The following PPP2R2B variants were observed in gnomAD, a reference collection of about 807,000 sequenced individuals.
PPP2R2B encodes protein phosphatase 2 regulatory subunit Bbeta.
In PPP2R2B, 5 loss-of-function variants were observed where a neutral mutation model predicts 46.0. The observed-to-expected ratio is 0.11, with a 90% CI of 0.06 to 0.23. PPP2R2B has a LOEUF of 0.23. Ranked by LOEUF, PPP2R2B falls within the 10% of genes least tolerant of loss-of-function variation. The pLI is 1.00. For synonymous variants in PPP2R2B, 215 were observed against 206.7 expected (o/e 1.04, Z -0.34); for missense variants, 367 against 575.0 (o/e 0.64, Z 3.70).
At chr5:146,812,903 A>G (rs1757713957) in intron 2 of PPP2R2B, among the ~76,000 whole-genome samples, 1 of 139,948 alleles carries the variant, frequency 7.1e-6, no homozygotes, top group South Asian at 2.4e-4. Flanking sequence ...TATGGGGAAA[A>G]CCACCCCCAT....
chr5:146,951,444 C>G (rs1751588887), intron 1 of PPP2R2B, among the ~76,000 whole-genome samples: 1 of 151,716 alleles, frequency 6.6e-6, no homozygotes, highest in Non-Finnish European at 1.5e-5. Context: ...CTGCACCTAT[C>G]AACCCACCAC....
chr5:146,703,000 A>G (rs1238428346), intron 2 of PPP2R2B, among the ~76,000 whole-genome samples: 1 of 152,232 alleles, frequency 6.6e-6, no homozygotes, highest in African/African-American at 2.4e-5. Flanking sequence ...CAAGTGAGTT[A>G]TTTGACCACT....
At chr5:146,817,517 G>A (rs12516151) in intron 2 of PPP2R2B, among the ~76,000 whole-genome samples, 26,488 of 152,068 alleles carry the variant, frequency 0.17, 2,663 homozygotes, top group East Asian at 0.43. Flanking sequence ...TGATATTTCC[G>A]TCATCTCACA....
At chr5:146,841,010 ATT>A (rs1210982484) in intron 2 of PPP2R2B, among the ~76,000 whole-genome samples, 5 of 152,214 alleles carry the variant, frequency 3.3e-5, no homozygotes, top group Non-Finnish European at 5.9e-5. Flanking sequence ...CAAGCATTAA[ATT>A]TTGAACTAGA....
At chr5:147,068,407 T>C (rs1477485521) in intron 2 of PPP2R2B, among the ~76,000 whole-genome samples, 1 of 152,208 alleles carries the variant, frequency 6.6e-6, no homozygotes, top group African/African-American at 2.4e-5. Context: ...CTCTTAACTA[T>C]GGTAAAGTCT....
chr5:146,999,643 G>A (rs1385915991), intron 1 of PPP2R2B, among the ~76,000 whole-genome samples: 1 of 152,122 alleles, frequency 6.6e-6, no homozygotes, highest in Non-Finnish European at 1.5e-5. Context: ...ATAAACAGAA[G>A]CAAAATGATT....
At chr5:146,658,819 C>T (rs547760814) in intron 5 of PPP2R2B, among the ~76,000 whole-genome samples, 19 of 152,258 alleles carry the variant, frequency 1.2e-4, no homozygotes, top group African/African-American at 2.4e-4. Context: ...GCCGCATAGA[C>T]GCCCCCATCC....
chr5:146,820,760 A>T (rs558379786), intron 2 of PPP2R2B, among the ~76,000 whole-genome samples: 1 of 151,842 alleles, frequency 6.6e-6, no homozygotes, highest in African/African-American at 2.4e-5. Flanking sequence ...CCCCTCTCCA[A>T]ATCTTCCTCT....
At chr5:147,006,208 C>T (rs1252078120) in intron 1 of PPP2R2B, among the ~76,000 whole-genome samples, 2 of 152,174 alleles carry the variant, frequency 1.3e-5, no homozygotes, top group African/African-American at 2.4e-5. Flanking sequence ...CTTGTAGAAG[C>T]AGAGTTAGGA....
chr5:146,702,660 G>T (rs756360790), intron 2 of PPP2R2B, among the ~76,000 whole-genome samples: 5 of 152,194 alleles, frequency 3.3e-5, no homozygotes, highest in Non-Finnish European at 5.9e-5. Context: ...ATCTCTTAAA[G>T]TTTATACATT....
At chr5:146,628,420 A>T (rs541620434) in intron 7 of PPP2R2B, among the ~76,000 whole-genome samples, 195 of 152,220 alleles carry the variant, frequency 1.3e-3, no homozygotes, top group Non-Finnish European at 2.3e-3. Context: ...GCTAGAAGAG[A>T]GTGTCTACAG....
At chr5:146,923,118 A>T (rs942758944) in intron 1 of PPP2R2B, among the ~76,000 whole-genome samples, 13 of 152,174 alleles carry the variant, frequency 8.5e-5, no homozygotes, top group Admixed American at 6.5e-4. Flanking sequence ...ATGAGAGTCT[A>T]AATTTCTTTT....
chr5:147,014,615 T>C (rs1754907006), intron 1 of PPP2R2B, among the ~76,000 whole-genome samples: 1 of 151,864 alleles, frequency 6.6e-6, no homozygotes, highest in Admixed American at 6.6e-5. Context: ...AAAACATCAT[T>C]CTCAGTAAAC....
chr5:146,995,721 A>G (rs1033311825), intron 1 of PPP2R2B, among the ~76,000 whole-genome samples: 1 of 152,152 alleles, frequency 6.6e-6, no homozygotes, highest in Non-Finnish European at 1.5e-5. Flanking sequence ...AAGAATACAT[A>G]AGAGATAAAA....
intron 5 of PPP2R2B, among the ~76,000 whole-genome samples, chr5:146,676,945 C>T (rs1159857352): frequency 6.6e-6 from 1 of 152,110 alleles, no homozygotes; most frequent in Non-Finnish European, 1.5e-5. Flanking sequence ...AGTCCATCTG[C>T]GTAAAGGATT....
At chr5:147,021,086 A>G (rs1341277344) in intron 1 of PPP2R2B, among the ~76,000 whole-genome samples, 1 of 152,220 alleles carries the variant, frequency 6.6e-6, no homozygotes, top group Non-Finnish European at 1.5e-5. Context: ...GGTAACTGGT[A>G]CCAGACTAGC....
chr5:147,048,253 T>C (rs140930758), intron 1 of PPP2R2B, among the ~76,000 whole-genome samples: 1 of 152,156 alleles, frequency 6.6e-6, no homozygotes, highest in South Asian at 2.1e-4. Context: ...TAGGCAGTCT[T>C]GTAGGGCAGC....
intron 2 of PPP2R2B, chr5:146,706,415 G>C (rs1194995): frequency 3.4e-6 from 3 of 880,232 alleles, no homozygotes; most frequent in Admixed American, 3.6e-5. Flanking sequence ...GGTGGTCTTC[G>C]TATGGATACT....
At chr5:146,593,222 T>A (rs576664594) in intron 8 of PPP2R2B, among the ~76,000 whole-genome samples, 160 bp from the exon 9 acceptor site, 8 of 152,222 alleles carry the variant, frequency 5.3e-5, no homozygotes, top group Non-Finnish European at 1.0e-4. Flanking sequence ...CTTTTAGCTG[T>A]AGGACATTAG....
Sources: allele counts gnomAD v4.1 joint callset (sites outside exome capture counted in the v4.1 genomes callset), GRCh38; gene constraint gnomAD v4.1.1; transcripts MANE v1.5; gene names NCBI Gene and HGNC (gene_info 2026-07-23, HGNC 2026-07-21).